The following PSMA1 variants were observed in gnomAD, a reference collection of about 807,000 sequenced individuals.
PSMA1 encodes proteasome 20S subunit alpha 1.
In PSMA1, 3 loss-of-function variants were observed where a neutral mutation model predicts 38.4. The observed-to-expected ratio is 0.08, with a 90% CI of 0.04 to 0.20. PSMA1 has a LOEUF of 0.20. Ranked by LOEUF, PSMA1 falls within the 10% of genes least tolerant of loss-of-function variation. The probability of loss-of-function intolerance (pLI) is 1.00; values close to 1 mark genes in which losing one functional copy is unlikely to be tolerated. For missense variants in PSMA1, 227 were observed against 325.3 expected, an observed-to-expected ratio of 0.70 and a Z score of 2.32; for synonymous variants, 101 against 107.1, an observed-to-expected ratio of 0.94 and a Z score of 0.35.
intron 5 of PSMA1, chr11:14,514,195 T>G: frequency 7.4e-7 from 1 of 1,344,344 alleles, no homozygotes. Context: ...TCTAAAAAGA[T>G]GCTTAGATGA....
At chr11:14,588,755 A>G (rs1465949136) in intron 2 of PSMA1, among the ~76,000 whole-genome samples, 1 of 152,248 alleles carries the variant, frequency 6.6e-6, no homozygotes, top group Non-Finnish European at 1.5e-5. Flanking sequence ...ACTGGCCTAT[A>G]ATAAGGCTTT....
chr11:14,605,400 T>C (rs1852631341), intron 2 of PSMA1, among the ~76,000 whole-genome samples: 1 of 152,140 alleles, frequency 6.6e-6, no homozygotes. Context: ...TTTTATTTTT[T>C]TGAGACAGAG....
intron 2 of PSMA1, among the ~76,000 whole-genome samples, chr11:14,571,585 C>G (rs1852141383): frequency 6.6e-6 from 1 of 152,150 alleles, no homozygotes; most frequent in African/African-American, 2.4e-5. Context: ...ACCATTGATG[C>G]TAGGAAGAAA....
chr11:14,631,927 T>C, intron 1 of PSMA1, among the ~76,000 whole-genome samples: 1 of 144,438 alleles, frequency 6.9e-6, no homozygotes, highest in Non-Finnish European at 1.5e-5. Flanking sequence ...GTAATGGCCT[T>C]CTTTGTCTCT....
In PSMA1 at chr11:14,582,088, G is replaced by A. The variant is rs1189089665; in HGVS notation, c.21+28878C>T. Among the ~76,000 whole-genome samples, 4 of 152,182 alleles carry A rather than the reference G, an allele frequency of 2.6e-5. No homozygotes were observed. The East Asian group carries it at 5.8e-4, about 22-fold the overall frequency. ...GGTTACCTTGATCTGCAGAAGAAAG[G>A]CAATTGAGGCAGATAGGGATAGATT... On this transcript the variant is annotated intron_variant, in intron 2 of 10. Coordinates refer to the PSMA1 transcript ENST00000418988.
At chr11:14,569,241 G>A (rs1049260301) in intron 2 of PSMA1, among the ~76,000 whole-genome samples, 7 of 152,154 alleles carry the variant, frequency 4.6e-5, no homozygotes, top group African/African-American at 1.7e-4. Context: ...TTCTGCTGGG[G>A]GGAGGTTCAA....
chr11:14,620,263 C>T (rs1392563794), intron 1 of PSMA1, among the ~76,000 whole-genome samples: 1 of 152,204 alleles, frequency 6.6e-6, no homozygotes, highest in African/African-American at 2.4e-5. Flanking sequence ...ATTCATGAAA[C>T]AGATCCAGGC....
chr11:14,529,903 A>G lies in PSMA1; in HGVS notation c.22-10862T>C, dbSNP rs1314290678. Reference sequence around the variant, plus strand: ...AGAGTGGCTTTGCCTCTGAGAGTGCAGACTTTGACCATATCCCAAACTCAT... The same window carrying G: ...AGAGTGGCTTTGCCTCTGAGAGTGCGGACTTTGACCATATCCCAAACTCAT... On this transcript the variant is annotated intron_variant, in intron 2 of 10. Transcript: ENST00000418988. 2.0e-5 allele frequency among the ~76,000 whole-genome samples: 3 copies of G among 152,220 alleles called. No individual in the cohort carries two copies. The East Asian group carries it at 5.8e-4, about 29-fold the overall frequency.
At chr11:14,521,479 G>C (rs1227979788), upstream of PSMA1, among the ~76,000 whole-genome samples, 1 of 143,248 alleles carries the variant, frequency 7.0e-6, no homozygotes, top group African/African-American at 2.5e-5. Context: ...CTGGGCAATA[G>C]AGATTCTGTT....
intron 2 of PSMA1, among the ~76,000 whole-genome samples, chr11:14,558,083 A>G (rs531715844): frequency 6.6e-6 from 1 of 152,176 alleles, no homozygotes; most frequent in South Asian, 2.1e-4. Flanking sequence ...AGCAAAAACA[A>G]GAAAGTTTCT....
At chr11:14,641,184 TAA>T (rs879934532) in intron 1 of PSMA1, among the ~76,000 whole-genome samples, 1 of 141,160 alleles carries the variant, frequency 7.1e-6, no homozygotes. Context: ...TAATAATAAT[TAA>T]AAAAAAAAAA....
intron 2 of PSMA1, among the ~76,000 whole-genome samples, chr11:14,606,155 T>C (rs1418989362): frequency 1.3e-5 from 2 of 152,226 alleles, no homozygotes; most frequent in African/African-American, 4.8e-5. Context: ...CATTGCTTAT[T>C]TTTGTCAACT....
intron 2 of PSMA1, among the ~76,000 whole-genome samples, chr11:14,566,938 G>C (rs1467423441): frequency 6.6e-6 from 1 of 152,196 alleles, no homozygotes; most frequent in Non-Finnish European, 1.5e-5. Flanking sequence ...ACCAGAACTG[G>C]GAGAATGGTG....
chr11:14,563,033 A>G (rs1436465647), intron 2 of PSMA1, among the ~76,000 whole-genome samples: 1 of 152,128 alleles, frequency 6.6e-6, no homozygotes. Flanking sequence ...CTATGCATCC[A>G]GTCTGATTAC....
At chr11:14,620,619 T>C (rs1047033140) in intron 1 of PSMA1, among the ~76,000 whole-genome samples, 2 of 152,218 alleles carry the variant, frequency 1.3e-5, no homozygotes, top group Non-Finnish European at 2.9e-5. Context: ...ATACTGGCAA[T>C]AAAGCAGCAA....
intron 2 of PSMA1, among the ~76,000 whole-genome samples, chr11:14,528,266 C>G (rs940053517): frequency 2.0e-5 from 3 of 152,176 alleles, no homozygotes; most frequent in African/African-American, 7.2e-5. Context: ...TGGACACTCT[C>G]TAATTGGACA....
At chr11:14,607,653 C>A (rs1201918911) in intron 2 of PSMA1, among the ~76,000 whole-genome samples, 1 of 152,058 alleles carries the variant, frequency 6.6e-6, no homozygotes, top group African/African-American at 2.4e-5. Context: ...CAGGTGAAGG[C>A]AGGGAATGCC....
At chr11:14,555,474 GA>G (rs1351634371) in intron 2 of PSMA1, among the ~76,000 whole-genome samples, 1 of 151,948 alleles carries the variant, frequency 6.6e-6, no homozygotes, top group Non-Finnish European at 1.5e-5. Context: ...AAAAATAAAA[GA>G]AAAAATATAT....
intron 2 of PSMA1, among the ~76,000 whole-genome samples, chr11:14,547,943 C>T (rs1851844537): frequency 6.6e-6 from 1 of 151,730 alleles, no homozygotes; most frequent in South Asian, 2.1e-4. Context: ...AGCAGAGGTC[C>T]CAGAGTAGAG....
Sources: gnomAD v4.1 joint callset for allele counts (sites outside exome capture counted in the v4.1 genomes callset) on GRCh38, gnomAD v4.1.1 for gene constraint, MANE v1.5 for transcripts, NCBI Gene and HGNC (gene_info 2026-07-23, HGNC 2026-07-21) for gene names.